The following WASF3 variants were observed in gnomAD, a reference collection of about 807,000 sequenced individuals.
WASF3 encodes the protein WASP family member 3.
A neutral mutation model predicts 46.6 loss-of-function variants in WASF3; 11 were observed. The ratio of observed to expected loss-of-function variants is 0.24; its 90% confidence interval spans 0.15 to 0.39. The LOEUF is 0.39. Ranked by LOEUF, WASF3 falls within the 10% of genes least tolerant of loss-of-function variation. The probability of loss-of-function intolerance (pLI) is 1.00; values close to 1 mark genes in which losing one functional copy is unlikely to be tolerated. For synonymous variants in WASF3, 242 were observed against 259.7 expected (o/e 0.93, Z 0.65); for missense variants, 576 against 669.8 (o/e 0.86, Z 1.55).
chr13:26,685,617 T>C, intron 9 of WASF3, 71 bp from the exon 10 acceptor site: 1 of 1,577,108 alleles, frequency 6.3e-7, no homozygotes, highest in Non-Finnish European at 8.7e-7. Flanking sequence ...CCAATAGACA[T>C]ATTTGTTCGT....
At chr13:26,623,844 T>A (rs1260240615) in intron 2 of WASF3, among the ~76,000 whole-genome samples, 2 of 152,084 alleles carry the variant, frequency 1.3e-5, no homozygotes, top group East Asian at 3.9e-4. Flanking sequence ...TACAGGATGA[T>A]CAGGAACACT....
rs1380137229 is a variant in WASF3 at position 26,674,112 on chromosome 13, T to C, written c.540+2123T>C. ...TAGGCCAGTGTAGCTGGAGCCTGGA[T>C]TCATCACTGTTCATATTCTTTCATG... On this transcript the variant is annotated intron_variant, in intron 6 of 9. Coordinates refer to ENST00000335327, the MANE Select transcript of WASF3 (RefSeq NM_006646.6). 1.3e-5 allele frequency among the ~76,000 whole-genome samples: 2 copies of C among 152,128 alleles called. 1 individual carries two copies.
the WASF3 span, among the ~76,000 whole-genome samples, chr13:26,540,015 T>C: frequency 6.6e-6 from 1 of 151,992 alleles, no homozygotes; most frequent in South Asian, 2.1e-4. Flanking sequence ...ACAAATGAAG[T>C]CCAGTGCAGG....
intron 1 of WASF3, among the ~76,000 whole-genome samples, chr13:26,566,520 C>T (rs1431952952): frequency 1.3e-5 from 2 of 152,204 alleles, no homozygotes; most frequent in Non-Finnish European, 2.9e-5. Context: ...TTCAGTGACT[C>T]AGAGCAAGAA....
intron 1 of WASF3, among the ~76,000 whole-genome samples, chr13:26,566,307 A>C (rs1879461603): frequency 6.6e-6 from 1 of 152,216 alleles, no homozygotes; most frequent in African/African-American, 2.4e-5. Context: ...TAAGCAATGG[A>C]GACTTTTCTC....
At chr13:26,561,154 T>C (rs1276950539) in intron 1 of WASF3, among the ~76,000 whole-genome samples, 2 of 152,116 alleles carry the variant, frequency 1.3e-5, no homozygotes, top group Admixed American at 1.3e-4. Context: ...GGTCTTGTGA[T>C]TACTGTTGTG....
intron 3 of WASF3, among the ~76,000 whole-genome samples, chr13:26,662,679 A>G (rs1882663114): frequency 6.6e-6 from 1 of 152,194 alleles, no homozygotes; most frequent in East Asian, 1.9e-4. Context: ...AAAGGCCAAC[A>G]AAGTGTCTCT....
chr13:26,674,065 G>T (rs1022641774), intron 6 of WASF3, among the ~76,000 whole-genome samples: 4 of 152,130 alleles, frequency 2.6e-5, no homozygotes, highest in African/African-American at 4.8e-5. Flanking sequence ...AACCAGTTTG[G>T]CAGCTTCTAA....
At chr13:26,606,060 C>T (rs1566048593) in intron 1 of WASF3, among the ~76,000 whole-genome samples, 2 of 152,120 alleles carry the variant, frequency 1.3e-5, no homozygotes, top group Non-Finnish European at 2.9e-5. Context: ...GCTGGTGGGG[C>T]GGCACCTGGT....
At chr13:26,559,820 T>TC (rs748976709) in intron 1 of WASF3, among the ~76,000 whole-genome samples, 2,719 of 66,324 alleles carry the variant, frequency 0.041, 121 homozygotes, top group Middle Eastern at 0.051. Flanking sequence ...TTTTTTTTTT[T>TC]TTTTTTTTTT....
chr13:26,573,601 AG>A (rs1472740655), intron 1 of WASF3, among the ~76,000 whole-genome samples: 2 of 152,048 alleles, frequency 1.3e-5, no homozygotes, highest in African/African-American at 4.8e-5. Flanking sequence ...TTCACCCAAG[AG>A]TTGTATAAAT....
chr13:26,681,853 C>T (rs528762419), intron 8 of WASF3, among the ~76,000 whole-genome samples: 3 of 152,268 alleles, frequency 2.0e-5, no homozygotes, highest in African/African-American at 4.8e-5. Context: ...TCAATTTAGG[C>T]ACCCACCTCT....
chr13:26,539,803 G>C, the WASF3 span, among the ~76,000 whole-genome samples: 2 of 152,174 alleles, frequency 1.3e-5, no homozygotes, highest in African/African-American at 2.4e-5. Flanking sequence ...CCCATTCCTG[G>C]TCTTGGCTTC....
chr13:26,602,133 C>T (rs901890619), intron 1 of WASF3, among the ~76,000 whole-genome samples: 1 of 152,170 alleles, frequency 6.6e-6, no homozygotes, highest in East Asian at 1.9e-4. Flanking sequence ...ACTAACTCTT[C>T]CAAGGTCCAG....
At chr13:26,594,045 A>G (rs1358679442) in intron 1 of WASF3, among the ~76,000 whole-genome samples, 1 of 152,240 alleles carries the variant, frequency 6.6e-6, no homozygotes, top group African/African-American at 2.4e-5. Flanking sequence ...AATTAGTTAC[A>G]TTGATTTAGG....
chr13:26,605,667 G>A (rs1432496680), intron 1 of WASF3, among the ~76,000 whole-genome samples: 1 of 152,120 alleles, frequency 6.6e-6, no homozygotes, highest in Non-Finnish European at 1.5e-5. Flanking sequence ...GGCTGCCCGG[G>A]GCCAGACCTG....
chr13:26,631,320 C>A (rs1008921578), intron 2 of WASF3, among the ~76,000 whole-genome samples: 2 of 152,168 alleles, frequency 1.3e-5, no homozygotes, highest in African/African-American at 4.8e-5. Flanking sequence ...ACATTTAAAT[C>A]TTTAATCTGT....
chr13:26,631,395 G>A (rs1461268945), intron 2 of WASF3, among the ~76,000 whole-genome samples: 2 of 152,190 alleles, frequency 1.3e-5, no homozygotes, highest in Non-Finnish European at 2.9e-5. Flanking sequence ...CATATGGCTA[G>A]CCAGTTTTCC....
intron 2 of WASF3, among the ~76,000 whole-genome samples, chr13:26,616,427 A>T (rs1881135596): frequency 6.6e-6 from 1 of 152,196 alleles, no homozygotes; most frequent in South Asian, 2.1e-4. Flanking sequence ...TGTCTGTTCA[A>T]ATCTTGTGCC....
Sources: gnomAD v4.1 joint callset for allele counts (sites outside exome capture counted in the v4.1 genomes callset) on GRCh38, gnomAD v4.1.1 for gene constraint, MANE v1.5 for transcripts, NCBI Gene and HGNC (gene_info 2026-07-23, HGNC 2026-07-21) for gene names.